Variants in PLCB1 observed in about 807,000 individuals in gnomAD.
The protein encoded by PLCB1 is phospholipase C beta 1, also known as 1-phosphatidylinositol 4,5-bisphosphate phosphodiesterase beta-1.
A neutral mutation model predicts 161.8 loss-of-function variants in PLCB1; 46 were observed. The observed-to-expected ratio is 0.28, with a 90% CI of 0.22 to 0.36. The LOEUF (loss-of-function observed/expected upper bound fraction) is 0.36, where lower values mean the gene tolerates loss of function less well. Among genes scored for constraint, PLCB1 ranks in the 10% least tolerant of loss-of-function variants. The pLI is 1.00. For missense variants in PLCB1, 1,016 were observed against 1,472.5 expected (o/e 0.69, Z 5.07); for synonymous variants, 517 against 503.7 (o/e 1.03, Z -0.35).
At chr20:8,218,868 T>A (rs555261681) in intron 2 of PLCB1, among the ~76,000 whole-genome samples, 4 of 152,136 alleles carry the variant, frequency 2.6e-5, no homozygotes, top group Admixed American at 1.3e-4. Flanking sequence ...AAAGGCATTT[T>A]AAAATGATCT....
chr20:8,577,813 T>C (rs566885421), intron 3 of PLCB1, among the ~76,000 whole-genome samples: 1 of 152,302 alleles, frequency 6.6e-6, no homozygotes, highest in African/African-American at 2.4e-5. Context: ...TTTGATTTTG[T>C]TTTCAATGTT....
At chr20:8,194,871 T>C (rs989247052) in intron 2 of PLCB1, among the ~76,000 whole-genome samples, 28 of 152,080 alleles carry the variant, frequency 1.8e-4, no homozygotes, top group African/African-American at 5.8e-4. Context: ...GTAGCACAAG[T>C]CCATCTGTCT....
intron 2 of PLCB1, among the ~76,000 whole-genome samples, chr20:8,190,395 A>G (rs773707323): frequency 2.0e-5 from 3 of 152,098 alleles, no homozygotes; most frequent in Non-Finnish European, 4.4e-5. Context: ...TTTATAAACT[A>G]ATTTTTCCTA....
intron 3 of PLCB1, among the ~76,000 whole-genome samples, chr20:8,595,498 CATT>C (rs1236297677): frequency 8.3e-5 from 10 of 120,698 alleles, no homozygotes; most frequent in Non-Finnish European, 1.7e-4. Flanking sequence ...TCCAGTCTAT[CATT>C]GTTGGACATT....
chr20:8,533,050 T>C (rs1478018247), intron 3 of PLCB1, among the ~76,000 whole-genome samples: 5 of 145,820 alleles, frequency 3.4e-5, no homozygotes, highest in Admixed American at 6.9e-5. Flanking sequence ...AGTGTGATGT[T>C]CCCCTTCCTG....
At chr20:8,463,387 T>A (rs2122692357) in intron 3 of PLCB1, among the ~76,000 whole-genome samples, 1 of 152,246 alleles carries the variant, frequency 6.6e-6, no homozygotes, top group East Asian at 1.9e-4. Context: ...CATTTACTTT[T>A]CTCATTCTTC....
intron 11 of PLCB1, among the ~76,000 whole-genome samples, chr20:8,700,406 T>C (rs1014707592): frequency 1.3e-5 from 2 of 152,272 alleles, no homozygotes; most frequent in Non-Finnish European, 2.9e-5. Context: ...TCTTGGCCTC[T>C]GCCTGCCATT....
At chr20:8,727,666 A>G (rs1207877146) in intron 17 of PLCB1, among the ~76,000 whole-genome samples, 1 of 152,030 alleles carries the variant, frequency 6.6e-6, no homozygotes, top group Admixed American at 6.6e-5. Context: ...CTTAATCCTG[A>G]CTTTCCTTGT....
In PLCB1 at chr20:8,197,306, T is replaced by C. The variant is rs73598278; in HGVS notation, c.177+46935T>C. ...GTGTAAAAGTGTTCCTATTTCTCCA[T>C]ATCCTCTCCAGCACCTGTTGTTTCC... is the stretch of plus-strand genomic sequence containing the variant. On this transcript the variant is annotated intron_variant, in intron 2 of 31. Coordinates refer to ENST00000338037, the MANE Select transcript of PLCB1 (RefSeq NM_015192.4). Among the ~76,000 whole-genome samples the C allele has an allele frequency of 1.4e-4, 21 of 152,204 alleles. No homozygotes were observed. In the Middle Eastern group the frequency reaches 0.01, roughly 74 times the overall value.
intron 31 of PLCB1, among the ~76,000 whole-genome samples, chr20:8,859,629 A>C (rs1331029170): frequency 6.6e-6 from 1 of 151,906 alleles, no homozygotes; most frequent in Non-Finnish European, 1.5e-5. Flanking sequence ...CTATTTTTTC[A>C]ATCTTTCTGG....
chr20:8,777,255 C>A (rs193259362), intron 27 of PLCB1, among the ~76,000 whole-genome samples: 6 of 152,212 alleles, frequency 3.9e-5, no homozygotes, highest in East Asian at 1.9e-4. Context: ...TCTGAAGAAA[C>A]TTCCACAGGG....
chr20:8,708,012 A>T (rs964999639), intron 11 of PLCB1, among the ~76,000 whole-genome samples: 1 of 152,060 alleles, frequency 6.6e-6, no homozygotes, highest in Non-Finnish European at 1.5e-5. Context: ...GCCTGGGACT[A>T]GGTGTGTGGG....
intron 2 of PLCB1, among the ~76,000 whole-genome samples, chr20:8,176,185 C>A (rs1050562060): frequency 1.3e-5 from 2 of 152,164 alleles, no homozygotes; most frequent in African/African-American, 4.8e-5. Flanking sequence ...CACAAAAAAT[C>A]TGTACACAAA....
intron 26 of PLCB1, 50 bp downstream of exon 26, chr20:8,765,408 A>G: frequency 7.4e-7 from 1 of 1,347,070 alleles, no homozygotes; most frequent in Non-Finnish European, 1.0e-6. Context: ...AAGAGTTGTT[A>G]ACATGGATTT....
At chr20:8,214,202 G>A (rs1227009689) in intron 2 of PLCB1, among the ~76,000 whole-genome samples, 1 of 152,102 alleles carries the variant, frequency 6.6e-6, no homozygotes, top group Non-Finnish European at 1.5e-5. Flanking sequence ...AACATAGTTT[G>A]GATCTGTGTC....
At chr20:8,529,048 G>A (rs1384064411) in intron 3 of PLCB1, among the ~76,000 whole-genome samples, 3 of 149,708 alleles carry the variant, frequency 2.0e-5, no homozygotes, top group East Asian at 3.9e-4. Flanking sequence ...AGTATCAGAT[G>A]TTTATCATAT....
chr20:8,878,586 C>G (rs1987860141), intron 31 of PLCB1, among the ~76,000 whole-genome samples: 1 of 152,136 alleles, frequency 6.6e-6, no homozygotes, highest in Non-Finnish European at 1.5e-5. Context: ...ATGTTTCCTC[C>G]TCGGCTTATA....
intron 11 of PLCB1, among the ~76,000 whole-genome samples, chr20:8,703,365 A>G (rs1021986422): frequency 1.3e-5 from 2 of 152,196 alleles, no homozygotes; most frequent in Non-Finnish European, 2.9e-5. Flanking sequence ...TGTAAATATA[A>G]TGGTTGTGTG....
At chr20:8,576,937 G>A (rs182333513) in intron 3 of PLCB1, among the ~76,000 whole-genome samples, 214 of 152,184 alleles carry the variant, frequency 1.4e-3, no homozygotes, top group African/African-American at 4.9e-3. Flanking sequence ...GGGGCAAACC[G>A]AGTGCATGGA....
Sources: gnomAD v4.1 joint callset for allele counts (sites outside exome capture counted in the v4.1 genomes callset) on GRCh38, gnomAD v4.1.1 for gene constraint, MANE v1.5 for transcripts, NCBI Gene and HGNC (gene_info 2026-07-23, HGNC 2026-07-21) for gene names.